Variants in C11orf16 observed in about 807,000 individuals in gnomAD.
C11orf16 encodes the protein uncharacterized protein C11orf16.
Under a neutral mutation model 45.1 loss-of-function variants are expected in C11orf16, and 38 were observed. The observed-to-expected ratio is 0.84, with a 90% confidence interval of 0.65 to 1.10. The LOEUF (loss-of-function observed/expected upper bound fraction) is 1.10. Ranked by LOEUF, C11orf16 falls within the 50% of genes least tolerant of loss-of-function variation. The pLI is 0.00. For synonymous variants in C11orf16, 221 were observed against 222.0 expected, an observed-to-expected ratio of 1.00 and a Z score of 0.04; for missense variants, 583 against 569.5, an observed-to-expected ratio of 1.02 and a Z score of -0.24.
rs2064572116 is a variant in C11orf16, at chr11:8,921,404, T to C, written c.1316A>G (p.Lys439Arg). 1 of 1,614,226 alleles carries C rather than the reference T, an allele frequency of 6.2e-7. No homozygotes were observed. The highest frequency in any genetic ancestry group is 2.2e-5 in the East Asian group (1 of 44,886). The part of the protein sequence containing the change: ...KELVSKATHM[K>R]PPRTPPGEAE... Reference sequence around the variant, plus strand: ...TTCCCCTGGCGGGGTCCGCGGTGGCTTCATGTGGGTTGCTTTCGAGACCAG... The same window carrying C: ...TTCCCCTGGCGGGGTCCGCGGTGGCCTCATGTGGGTTGCTTTCGAGACCAG... Residue 439 changes from lysine to arginine, a missense_variant, in exon 6 of 7, where the codon AAG (lysine) becomes AGG (arginine). Transcript: ENST00000326053.
At chr11:8,932,586 C>G (rs2064657074) in intron 1 of C11orf16, among the ~76,000 whole-genome samples, 1 of 152,220 alleles carries the variant, frequency 6.6e-6, no homozygotes, top group Non-Finnish European at 1.5e-5. Flanking sequence ...TCCCCTACAG[C>G]CTGCTGGCTG....
intron 5 of C11orf16, among the ~76,000 whole-genome samples, chr11:8,924,256 T>C (rs1442622746): frequency 6.6e-6 from 1 of 152,100 alleles, no homozygotes; most frequent in Admixed American, 6.6e-5. Flanking sequence ...GCCAGCTTGG[T>C]GGTTCACGCC....
intron 3 of C11orf16, 190 bp downstream of exon 3, chr11:8,929,187 C>A: frequency 1.8e-6 from 1 of 568,982 alleles, no homozygotes; most frequent in South Asian, 2.9e-5. Context: ...CCGTTTGTTG[C>A]ACTTTGTTAG....
chr11:8,925,709 C>T lies in C11orf16; in HGVS notation c.958G>A (p.Gly320Ser), dbSNP rs2134833862. 1 of 1,614,270 alleles carries T rather than the reference C, an allele frequency of 6.2e-7. No individual in the cohort carries two copies. The highest frequency in any genetic ancestry group is 2.2e-5 in the East Asian group (1 of 44,892). The change falls in exon 5 of 7, where the codon GGT (glycine) becomes AGT (serine). Residue 320 changes from glycine (G) to serine (S), a missense_variant. Transcript: ENST00000326053. ...EPTAQLLPLE[G>S]PKEEKVAMHA... ...ATTGCTACTTTCTCCTCTTTAGGAC[C>T]TTCCAGGGGCAAAAGCTGTGCTGTG...
chr11:8,929,389 C>G lies in C11orf16; in HGVS notation c.312G>C (p.Lys104Asn). The change falls in exon 3 of 7, where the codon AAG (lysine) becomes AAC (asparagine). Residue 104 changes from lysine to asparagine, a missense_variant. Coordinates refer to ENST00000326053, the MANE Select transcript of C11orf16 (RefSeq NM_020643.3). ...ADGFYYRAQIKATPELERQGV... is the reference protein window; with the variant it reads ...ADGFYYRAQINATPELERQGV... ...GTCAGGGACTTGCCTCGGGAGTGGC[C>G]TTTATTTGGGCCCGGTAGTAAAAAC... 1 of 1,613,854 alleles carries G rather than the reference C, an allele frequency of 6.2e-7. No individual in the cohort carries two copies. Among genetic ancestry groups the G allele is most frequent in the Non-Finnish European group, 8.5e-7 (1 of 1,179,900 alleles).
Position 8,925,704 on chromosome 11 carries a change from A to T in C11orf16, c.963T>A (p.Pro321=), listed in dbSNP as rs750248692. ...PTAQLLPLEG[P]KEEKVAMHAP... is the part of the protein sequence containing the mutation. ...CGTGCATTGCTACTTTCTCCTCTTT[A>T]GGACCTTCCAGGGGCAAAAGCTGTG... Residue 321 remains proline (P), a synonymous_variant, in exon 5 of 7, where the codon CCT becomes CCA. Coordinates refer to ENST00000326053, the MANE Select transcript of C11orf16 (RefSeq NM_020643.3). 6.2e-7 allele frequency: 1 copy of T among 1,614,130 alleles called. No individual in the cohort carries two copies. The highest frequency in any genetic ancestry group is 1.3e-5 in the African/African-American group (1 of 74,948).
At chr11:8,931,292 C>T (rs1028703407) in intron 2 of C11orf16, among the ~76,000 whole-genome samples, 2 of 151,982 alleles carry the variant, frequency 1.3e-5, no homozygotes, top group Non-Finnish European at 2.9e-5. Flanking sequence ...GGCGCTGTCT[C>T]GGCTCACTGC....
intron 5 of C11orf16, among the ~76,000 whole-genome samples, chr11:8,923,291 G>A (rs2064587086): frequency 6.6e-6 from 1 of 152,184 alleles, no homozygotes; most frequent in Admixed American, 6.5e-5. Flanking sequence ...TGGGAACACA[G>A]ACGTGGTATC....
chr11:8,925,366 TG>T, intron 5 of C11orf16, 96 bp downstream of exon 5: 1 of 1,098,734 alleles, frequency 9.1e-7, no homozygotes, highest in Non-Finnish European at 1.3e-6. Context: ...CCCAACAGAG[TG>T]GACACGTGCA....
chr11:8,924,440 C>A (rs2064595139), intron 5 of C11orf16, among the ~76,000 whole-genome samples: 1 of 152,104 alleles, frequency 6.6e-6, no homozygotes, highest in East Asian at 1.9e-4. Flanking sequence ...GCATGAGAAT[C>A]ACTCGAACCT....
chr11:8,925,899 C>G lies in C11orf16; in HGVS notation c.768G>C (p.Glu256Asp), dbSNP rs370455617. 9.3e-6 allele frequency: 15 copies of G among 1,614,118 alleles called. 1 individual carries two copies. Among genetic ancestry groups the G allele is most frequent in the Non-Finnish European group, 8.5e-7 (1 of 1,180,050 alleles). ...LGPITGRITN[E>D]LPPDAPFLCP... ...ACAGGAATGGAGCATCCGGAGGAAG[C>G]TCATTAGTGATGCGCCCAGTGATTG... Residue 256 changes from glutamate (E) to aspartate (D), a missense_variant, in exon 5 of 7, where the codon GAG becomes GAC. Transcript: ENST00000326053.
At position 8,930,210 on chromosome 11, in the gene C11orf16, C is replaced by T. The variant is rs531608019; in HGVS notation, c.168-677G>A. On this transcript the variant is annotated intron_variant, in intron 2 of 6. Transcript: ENST00000326053. Reference sequence around the variant, plus strand: ...TTGGGAGGCCGAGATGGGCGGATCACGAGGTCAAGAGATCGAGACTATCTG... The same window carrying T: ...TTGGGAGGCCGAGATGGGCGGATCATGAGGTCAAGAGATCGAGACTATCTG... Among the ~76,000 whole-genome samples, 202 of 152,032 alleles carry T rather than the reference C, an allele frequency of 1.3e-3. 1 individual carries two copies. The highest frequency in any genetic ancestry group is 3.4e-3 in the Middle Eastern group (1 of 294).
intron 4 of C11orf16, among the ~76,000 whole-genome samples, chr11:8,926,382 G>T (rs1378485698): frequency 1.3e-5 from 2 of 151,758 alleles, no homozygotes; most frequent in Admixed American, 1.3e-4. Context: ...GCCTGGCCCC[G>T]CTGCTCTGGC....
chr11:8,932,448 C>A, intron 1 of C11orf16, 122 bp from the exon 2 acceptor site: 1 of 691,376 alleles, frequency 1.4e-6, no homozygotes, highest in Non-Finnish European at 2.2e-6. Context: ...ATGCACGGCC[C>A]TACCTGCTCC....
chr11:8,931,578 C>T lies in C11orf16; in HGVS notation c.167+564G>A, dbSNP rs1203802651. ...CTAATTTTTATATTTTTAGTAGAGA[C>T]GGGGTTTCACCATCTTGGCCACGCT... is the stretch of plus-strand genomic sequence containing the variant. On this transcript the variant is annotated intron_variant, in intron 2 of 6. Coordinates refer to ENST00000326053, the MANE Select transcript of C11orf16 (RefSeq NM_020643.3). 1.8e-4 allele frequency among the ~76,000 whole-genome samples: 27 copies of T among 152,078 alleles called. 1 individual carries two copies. Among genetic ancestry groups the T allele is most frequent in the Admixed American group, 1.7e-3 (26 of 15,268 alleles).
chr11:8,932,468 TCA>T, intron 1 of C11orf16, 142 bp from the exon 2 acceptor site: 1 of 592,222 alleles, frequency 1.7e-6, no homozygotes, highest in Non-Finnish European at 2.7e-6. Context: ...CCACAAACTC[TCA>T]CAGTTTCCTC....
At chr11:8,929,283 A>G (rs1000168262) in intron 3 of C11orf16, 94 bp downstream of exon 3, 7 of 1,348,858 alleles carry the variant, frequency 5.2e-6, no homozygotes, top group Non-Finnish European at 7.1e-6. Flanking sequence ...TATGCAAGAA[A>G]CCAGCCTGCT....
rs920244672 is a variant in C11orf16 at position 8,925,703 on chromosome 11, T to C, written c.964A>G (p.Lys322Glu). 5.6e-6 allele frequency: 9 copies of C among 1,614,134 alleles called. No individual in the cohort carries two copies. The highest frequency in any genetic ancestry group is 2.2e-5 in the East Asian group (1 of 44,904). Residue 322 changes from lysine to glutamate, a missense_variant, in exon 5 of 7, where the codon AAA (lysine) becomes GAA (glutamate). Physicochemically the swap from Lys to Glu is moderately conservative, Grantham distance 56. Coordinates refer to ENST00000326053, the MANE Select transcript of C11orf16 (RefSeq NM_020643.3). ...TAQLLPLEGP[K>E]EEKVAMHAPL... is the part of the protein sequence containing the mutation. ...GCGTGCATTGCTACTTTCTCCTCTT[T>C]AGGACCTTCCAGGGGCAAAAGCTGT... is the stretch of plus-strand genomic sequence containing the variant.
rs1403632434 is a variant in C11orf16 at position 8,932,123 on chromosome 11, G to A, written c.167+19C>T. On this transcript the variant is annotated intron_variant, in intron 2 of 6. Coordinates refer to ENST00000326053, the MANE Select transcript of C11orf16 (RefSeq NM_020643.3). ...AAGAAAAGGGCATCCACTTCCCCCA[G>A]AGGGGCAGAGACAGGTACCTTGCAA... The A allele has an allele frequency of 6.4e-7, 1 of 1,554,112 alleles. No individual in the cohort carries two copies. Among genetic ancestry groups the A allele is most frequent in the African/African-American group, 1.4e-5 (1 of 73,608 alleles).
Sources: allele counts gnomAD v4.1 joint callset (sites outside exome capture counted in the v4.1 genomes callset), GRCh38; gene constraint gnomAD v4.1.1; transcripts MANE v1.5; gene names NCBI Gene and HGNC (gene_info 2026-07-23, HGNC 2026-07-21).